The following SPTBN2 variants were observed in gnomAD, a reference collection of about 807,000 sequenced individuals.
SPTBN2 encodes the protein spectrin beta chain, non-erythrocytic 2.
Under a neutral mutation model 284.2 loss-of-function variants are expected in SPTBN2, and 107 were observed. The observed-to-expected ratio is 0.38, with a 90% CI of 0.32 to 0.44. The LOEUF is 0.44. SPTBN2 is among the 20% of genes least tolerant of loss of function. The pLI, the probability that SPTBN2 is intolerant of heterozygous loss-of-function variation, is 1.00. For synonymous variants in SPTBN2, 1,289 were observed against 1,354.8 expected (o/e 0.95, Z 1.07); for missense variants, 2,569 against 3,287.1 (o/e 0.78, Z 5.34).
chr11:66,739,061 C>T (rs1456627031), intron 1 of SPTBN2, among the ~76,000 whole-genome samples: 1 of 152,184 alleles, frequency 6.6e-6, no homozygotes, highest in African/African-American at 2.4e-5. Context: ...CCCACTTTAG[C>T]CTCCCCAAAT....
Position 66,700,812 on chromosome 11 carries a change from G to T in SPTBN2, c.3287C>A (p.Thr1096Asn). The T allele has an allele frequency of 6.2e-7, 1 of 1,600,664 alleles. No individual in the cohort carries two copies. Among genetic ancestry groups the T allele is most frequent in the Non-Finnish European group, 8.5e-7 (1 of 1,179,768 alleles). ...CAGGAGGGCCTCTGCCTCAGGCAGG[G>T]TGGCCGGCCCTTCTTCAGAGGCCAC... ...TAVASEEGPA[T>N]LPEAEALLAQ... Residue 1096 changes from threonine (T) to asparagine (N), a missense_variant, in exon 17 of 38, where the codon ACC (threonine) becomes AAC (asparagine). Transcript: ENST00000533211. The surrounding 1 kb of genome is among the most constrained non-coding windows in gnomAD (Gnocchi z 6.6).
chr11:66,690,169 C>T lies in SPTBN2; in HGVS notation c.5680G>A (p.Gly1894Arg). The T allele has an allele frequency of 6.2e-7, 1 of 1,614,130 alleles. No homozygotes were observed. Among genetic ancestry groups the T allele is most frequent in the Non-Finnish European group, 8.5e-7 (1 of 1,180,026 alleles). Residue 1894 changes from glycine to arginine, a missense_variant, in exon 28 of 38, where the codon GGA (glycine) becomes AGA (arginine). Physicochemically the swap from Gly to Arg is moderately radical, Grantham distance 125. Transcript: ENST00000533211. ...AVAEAWAQLQ[G>R]SSAARRQLLL... ...AGCTGCCGGCGGGCGGCAGAGCTTCCCTGAAGCTGGGCCCAGGCCTCGGCC... is the reference window on the plus strand; with the variant it reads ...AGCTGCCGGCGGGCGGCAGAGCTTCTCTGAAGCTGGGCCCAGGCCTCGGCC...
At chr11:66,697,966 CT>C (rs1431344809) in intron 20 of SPTBN2, among the ~76,000 whole-genome samples, 2 of 152,186 alleles carry the variant, frequency 1.3e-5, no homozygotes, top group African/African-American at 4.8e-5. Flanking sequence ...AGGAAAGTGT[CT>C]TTTCGTAGAC....
intron 1 of SPTBN2, among the ~76,000 whole-genome samples, chr11:66,726,675 GA>G (rs926718504): frequency 6.6e-6 from 1 of 152,234 alleles, no homozygotes; most frequent in Admixed American, 6.5e-5. Context: ...CACAGGTAAT[GA>G]AAGAAACAGC....
intron 16 of SPTBN2, 91 bp downstream of exon 16, chr11:66,701,492 AC>A: frequency 1.9e-6 from 3 of 1,598,522 alleles, no homozygotes; most frequent in Non-Finnish European, 1.7e-6. Flanking sequence ...CTTTGTAGCC[AC>A]CCTTCCAGGC....
At chr11:66,734,279 T>C (rs146577650) in intron 1 of SPTBN2, among the ~76,000 whole-genome samples, 8 of 152,216 alleles carry the variant, frequency 5.3e-5, no homozygotes, top group African/African-American at 1.9e-4. Flanking sequence ...TCTTATCTAC[T>C]GTGCGGCTAG....
At chr11:66,726,644 A>G (rs1223420284) in intron 1 of SPTBN2, among the ~76,000 whole-genome samples, 1 of 152,236 alleles carries the variant, frequency 6.6e-6, no homozygotes, top group African/African-American at 2.4e-5. Flanking sequence ...TGGGAGAGGA[A>G]GATGAAGATG....
At position 66,683,332 on chromosome 11, in the gene SPTBN2, C is replaced by G. The variant is rs1481469505; in HGVS notation, c.*2539G>C. Reference sequence around the variant, plus strand: ...CCGCCCGCCTCGGCCTCCCAAAGTGCTGGGATTACAGGCGTGAGCCACCGC... The same window carrying G: ...CCGCCCGCCTCGGCCTCCCAAAGTGGTGGGATTACAGGCGTGAGCCACCGC... On this transcript the variant is annotated 3_prime_UTR_variant, in exon 38 of 38. Coordinates refer to ENST00000533211, the MANE Select transcript of SPTBN2 (RefSeq NM_006946.4). Among the ~76,000 whole-genome samples the G allele has an allele frequency of 6.6e-6, 1 of 152,234 alleles. No homozygotes were observed. Among genetic ancestry groups the G allele is most frequent in the Non-Finnish European group, 1.5e-5 (1 of 68,048 alleles).
In SPTBN2 at chr11:66,683,557, C is replaced by T. The variant is rs1309050015; in HGVS notation, c.*2314G>A. On this transcript the variant is annotated 3_prime_UTR_variant, in exon 38 of 38. Transcript: ENST00000533211. Reference sequence around the variant, plus strand: ...CTTAATTCCTGACACTATGCTTCCCCTCTTCTATGTCCTGTTCTTAAGGAA... The same window carrying T: ...CTTAATTCCTGACACTATGCTTCCCTTCTTCTATGTCCTGTTCTTAAGGAA... 6.6e-6 allele frequency among the ~76,000 whole-genome samples: 1 copy of T among 152,206 alleles called. No individual in the cohort carries two copies. The highest frequency in any genetic ancestry group is 6.5e-5 in the Admixed American group (1 of 15,282).
chr11:66,731,565 T>C (rs1215672318), upstream of SPTBN2, among the ~76,000 whole-genome samples: 2 of 152,226 alleles, frequency 1.3e-5, no homozygotes, highest in African/African-American at 4.8e-5. Context: ...CTGGCTCCTA[T>C]GCTAAGTCTC....
chr11:66,722,851 C>A (rs967217309), intron 1 of SPTBN2, among the ~76,000 whole-genome samples: 4 of 149,152 alleles, frequency 2.7e-5, no homozygotes, highest in Non-Finnish European at 5.9e-5. Flanking sequence ...TGAGATTGCA[C>A]CACTGCACTC....
intron 8 of SPTBN2, among the ~76,000 whole-genome samples, chr11:66,713,313 T>TA (rs1435248362): frequency 6.7e-6 from 1 of 148,464 alleles, no homozygotes; most frequent in African/African-American, 2.6e-5. Context: ...AAGATATATA[T>TA]TTTTTTTGGG....
chr11:66,696,086 G>T (rs931509792), intron 21 of SPTBN2, among the ~76,000 whole-genome samples, 191 bp downstream of exon 21: 23 of 152,202 alleles, frequency 1.5e-4, no homozygotes, highest in Admixed American at 1.3e-3. Flanking sequence ...TTATTAGGGG[G>T]TCTGTCTCCT....
At chr11:66,729,871 G>T (rs1373345364), upstream of SPTBN2, among the ~76,000 whole-genome samples, 1 of 152,070 alleles carries the variant, frequency 6.6e-6, no homozygotes, top group Non-Finnish European at 1.5e-5. Flanking sequence ...GCTTGATCTC[G>T]GCTCACTGCA....
chr11:66,706,925 C>T (rs1361259659), intron 13 of SPTBN2, among the ~76,000 whole-genome samples: 1 of 152,264 alleles, frequency 6.6e-6, no homozygotes, highest in African/African-American at 2.4e-5. Flanking sequence ...AGCCACTGCG[C>T]CTGGCCCCTT....
rs1212377010 is a variant in SPTBN2 at position 66,715,817 on chromosome 11, G to A, written c.309+13C>T. The A allele has an allele frequency of 6.2e-7, 1 of 1,613,508 alleles. No individual in the cohort carries two copies. Among genetic ancestry groups the A allele is most frequent in the Admixed American group, 1.7e-5 (1 of 59,932 alleles). ...CTAAGGCCCCCCCACTTCCCTTCAT[G>A]ACCACAGCTCACCAGTATCTCTCCC... On this transcript the variant is annotated intron_variant, in intron 4 of 37. Transcript: ENST00000533211. This position sits in a 1 kb window ranked among gnomAD's most constrained non-coding sequence, Gnocchi z 5.3.
intron 31 of SPTBN2, 85 bp downstream of exon 31, chr11:66,688,568 G>A (rs939867942): frequency 2.8e-5 from 43 of 1,561,816 alleles, no homozygotes; most frequent in Non-Finnish European, 3.4e-5. Flanking sequence ...AGTGGGAAGA[G>A]AGAAGACATG....
intron 1 of SPTBN2, among the ~76,000 whole-genome samples, chr11:66,737,994 C>T (rs1273094239): frequency 6.6e-6 from 1 of 152,184 alleles, no homozygotes; most frequent in Non-Finnish European, 1.5e-5. Flanking sequence ...GCAGGTGGAT[C>T]ACCTGAGGTC....
rs1259467518 is a variant in SPTBN2, at chr11:66,715,090, C to T, written c.483+132G>A. 1.5e-5 allele frequency: 18 copies of T among 1,186,208 alleles called. No homozygotes were observed. Among genetic ancestry groups the T allele is most frequent in the East Asian group, 7.6e-5 (3 of 39,438 alleles). 73.5% of individuals were successfully genotyped at this position (1,186,208 alleles called of 1,614,324 possible). A position where few individuals can be genotyped will look rare whatever the true frequency, so the allele number is the denominator to read the frequency against. ...CACTGATCTGGTGCTTGGATAGCGCCGCCATGGCAGCTGCTACATAAGGTT... is the reference window on the plus strand; with the variant it reads ...CACTGATCTGGTGCTTGGATAGCGCTGCCATGGCAGCTGCTACATAAGGTT... On this transcript the variant is annotated intron_variant, in intron 5 of 37. Transcript: ENST00000533211. The surrounding 1 kb of genome is among the most constrained non-coding windows in gnomAD (Gnocchi z 5.3).
Sources: allele counts gnomAD v4.1 joint callset (sites outside exome capture counted in the v4.1 genomes callset), GRCh38; gene constraint gnomAD v4.1.1; non-coding constraint Gnocchi (gnomAD v3.1); transcripts MANE v1.5; gene names NCBI Gene and HGNC (gene_info 2026-07-23, HGNC 2026-07-21).